SLFN12L: variants seen among roughly 807,000 people sequenced by gnomAD.
SLFN12L encodes the protein schlafen family member 12 like.
Under a neutral mutation model 34.8 loss-of-function variants are expected in SLFN12L, and 34 were observed. The observed-to-expected ratio is 0.98, with a 90% CI of 0.74 to 1.30. The LOEUF is 1.30. Ranked by LOEUF, SLFN12L falls within the 50% of genes most tolerant of loss-of-function variation. The pLI is 0.00. For missense variants in SLFN12L, 703 were observed against 696.2 expected (o/e 1.01, Z -0.11); for synonymous variants, 259 against 247.5 (o/e 1.05, Z -0.44).
At chr17:35,478,327 C>T (rs1914130796) in intron 3 of SLFN12L, 142 bp from the exon 4 acceptor site, 8 of 549,298 alleles carry the variant, frequency 1.5e-5, no homozygotes, top group Non-Finnish European at 2.5e-5. Context: ...ATTGTGGTTA[C>T]ATATTGTGGT....
At chr17:35,493,805 G>T (rs1272320383) in intron 2 of SLFN12L, among the ~76,000 whole-genome samples, 1 of 152,080 alleles carries the variant, frequency 6.6e-6, no homozygotes, top group Non-Finnish European at 1.5e-5. Flanking sequence ...TAGCAGTTTT[G>T]TACAAAAATA....
In SLFN12L at chr17:35,472,923, T is replaced by C. The variant is rs1597823731; in HGVS notation, c.*2000A>G. Among the ~76,000 whole-genome samples, 1 of 152,154 alleles carries C rather than the reference T, an allele frequency of 6.6e-6. No homozygotes were observed. The highest frequency in any genetic ancestry group is 2.4e-5 in the African/African-American group (1 of 41,442). On this transcript the variant is annotated 3_prime_UTR_variant, in exon 5 of 5. Coordinates refer to ENST00000628453, the MANE Select transcript of SLFN12L (RefSeq NM_001363830.2). ...ATTCTCTTTTTAGCGATTGTGAATG[T>C]GAGTTCACTCATGATTTGGCTCTCT...
intron 2 of SLFN12L, among the ~76,000 whole-genome samples, chr17:35,506,433 T>G (rs558887008): frequency 3.3e-4 from 50 of 152,342 alleles, no homozygotes; most frequent in African/African-American, 1.1e-3. Flanking sequence ...GCCCTTCCTG[T>G]ACCAGTGGTC....
intron 1 of SLFN12L, among the ~76,000 whole-genome samples, chr17:35,524,789 A>G (rs1045221258): frequency 6.6e-6 from 1 of 152,152 alleles, no homozygotes; most frequent in Admixed American, 6.6e-5. Flanking sequence ...AAAAACCAGA[A>G]TACCTCTTCT....
At chr17:35,502,948 G>T (rs1371554320) in intron 2 of SLFN12L, among the ~76,000 whole-genome samples, 1 of 151,968 alleles carries the variant, frequency 6.6e-6, no homozygotes, top group Non-Finnish European at 1.5e-5. Context: ...GACAGCTGAG[G>T]CATGTTGAAG....
At position 35,480,085 on chromosome 17, in the gene SLFN12L, C is replaced by G. The variant is rs1400059281; in HGVS notation, c.197G>C (p.Gly66Ala). ...CTTCATTTTTTTTCTATTGTTCTCT[C>G]CAAGAGTGACTCTTCCCACATTTAG... ...LVLNVGRVTL[G>A]ENNRKKMKDC... The change falls in exon 3 of 5, where the codon GGA becomes GCA. Residue 66 changes from glycine to alanine, a missense_variant. By Grantham distance (60) the Gly-to-Ala change is moderately conservative. Transcript: ENST00000628453. The G allele has an allele frequency of 1.2e-6, 2 of 1,614,096 alleles. No individual in the cohort carries two copies. Among genetic ancestry groups the G allele is most frequent in the Admixed American group, 3.3e-5 (2 of 60,014 alleles).
intron 2 of SLFN12L, among the ~76,000 whole-genome samples, chr17:35,513,574 G>T (rs1449768573): frequency 2.0e-5 from 3 of 152,184 alleles, no homozygotes; most frequent in Non-Finnish European, 2.9e-5. Flanking sequence ...ATGCCACCAA[G>T]TATCCTTACT....
At chr17:35,488,080 G>A (rs1051913971) in intron 2 of SLFN12L, among the ~76,000 whole-genome samples, 1 of 152,200 alleles carries the variant, frequency 6.6e-6, no homozygotes, top group Non-Finnish European at 1.5e-5. Context: ...ATGGTAGCGG[G>A]CGCCTGTAGT....
chr17:35,518,992 T>A (rs902369227), intron 2 of SLFN12L, among the ~76,000 whole-genome samples: 5 of 152,116 alleles, frequency 3.3e-5, no homozygotes, highest in Non-Finnish European at 7.4e-5. Flanking sequence ...ATGTGGCACG[T>A]ACACACTATG....
intron 1 of SLFN12L, among the ~76,000 whole-genome samples, chr17:35,526,142 C>A (rs2072332719): frequency 6.6e-6 from 1 of 152,022 alleles, no homozygotes; most frequent in Non-Finnish European, 1.5e-5. Flanking sequence ...GGGATCAATG[C>A]AACAAAAAGA....
rs747543549 is a variant in SLFN12L, at chr17:35,466,215, G to A, written c.*8708C>T. ...GTTCATTCTTCTTGTACATTTTATG[G>A]GTTCAGACAAATGTATAATGACATA... On this transcript the variant is annotated 3_prime_UTR_variant, in exon 5 of 5. Coordinates refer to ENST00000628453, the MANE Select transcript of SLFN12L (RefSeq NM_001363830.2). Among the ~76,000 whole-genome samples the A allele has an allele frequency of 6.6e-6, 1 of 151,932 alleles. No homozygotes were observed. The highest frequency in any genetic ancestry group is 2.4e-5 in the African/African-American group (1 of 41,328).
At position 35,470,506 on chromosome 17, in the gene SLFN12L, G is replaced by C. The variant is rs949637074; in HGVS notation, c.*4417C>G. ...CCTTGAATGCACAGTTCACACAGTG[G>C]TGGCTTCAGGGTGCCAGCCAGGAGG... On this transcript the variant is annotated 3_prime_UTR_variant, in exon 5 of 5. Coordinates refer to ENST00000628453, the MANE Select transcript of SLFN12L (RefSeq NM_001363830.2). The C allele has an allele frequency of 6.6e-6, 1 of 152,270 alleles. No individual in the cohort carries two copies. Among genetic ancestry groups the C allele is most frequent in the South Asian group, 2.1e-4 (1 of 4,836 alleles). The allele number at this position is 152,270 out of a possible 1,614,324, so 9.4% of individuals were successfully genotyped here. A position where few individuals can be genotyped will look rare whatever the true frequency, so the allele number is the denominator to read the frequency against.
intron 1 of SLFN12L, among the ~76,000 whole-genome samples, chr17:35,535,031 T>C (rs1446530711): frequency 6.6e-6 from 1 of 152,180 alleles, no homozygotes; most frequent in African/African-American, 2.4e-5. Flanking sequence ...ATACATTATC[T>C]CATTGCTTTC....
chr17:35,493,648 A>G (rs1597850382), intron 2 of SLFN12L, among the ~76,000 whole-genome samples: 1 of 152,168 alleles, frequency 6.6e-6, no homozygotes, highest in Non-Finnish European at 1.5e-5. Flanking sequence ...TTTCTTTTTG[A>G]CTTAGTATCT....
intron 1 of SLFN12L, among the ~76,000 whole-genome samples, chr17:35,533,183 A>C (rs995664042): frequency 6.6e-6 from 1 of 152,240 alleles, no homozygotes; most frequent in Admixed American, 6.5e-5. Context: ...GTTATATGTT[A>C]CATTTCATCA....
At position 35,502,437 on chromosome 17, in the gene SLFN12L, A is replaced by AC. The variant is rs1555543241; in HGVS notation, c.86+19841_86+19842insG. 1.4e-3 allele frequency among the ~76,000 whole-genome samples: 207 copies of AC among 148,980 alleles called. 2 individuals are homozygous for AC. The highest frequency in any genetic ancestry group is 4.8e-3 in the African/African-American group (196 of 40,632). On this transcript the variant is annotated intron_variant, in intron 2 of 4. Coordinates refer to ENST00000628453, the MANE Select transcript of SLFN12L (RefSeq NM_001363830.2). ...TAAGGAAAAAAAAAAAAAAAAAAAA[A>AC]AAAAAACGATGATTTAACATTAACC...
At position 35,490,111 on chromosome 17, in the gene SLFN12L, G is replaced by GC. The variant is rs1338777296; in HGVS notation, c.87-9917dup. The stretch of plus-strand genomic sequence containing the variant: ...TCCTCCCCAGTGCCCCAGGCGCGGA[G>GC]CAGACCGCCGGCAACCTCCTCTACA... On this transcript the variant is annotated intron_variant, in intron 2 of 4. Transcript: ENST00000628453. 11 of 1,606,118 alleles carry GC rather than the reference G, an allele frequency of 6.8e-6. No homozygotes were observed. The African/African-American group carries it at 1.5e-4, about 21-fold the overall frequency.
In SLFN12L at chr17:35,474,923, T is replaced by C; in HGVS notation, c.1839A>G (p.Ter613TrpextTer73). The C allele has an allele frequency of 1.9e-6, 3 of 1,540,460 alleles. No homozygotes were observed. The highest frequency in any genetic ancestry group is 2.6e-6 in the Non-Finnish European group (3 of 1,143,234). ...VCWFVCFFLR* is the reference protein window; with the variant it reads ...VCWFVCFFLRW ...TCCAGTCTGGGTGACAGAGTGAGACTCATCTCAAGAAAAAACAAACAAACC... is the reference window on the plus strand; with the variant it reads ...TCCAGTCTGGGTGACAGAGTGAGACCCATCTCAAGAAAAAACAAACAAACC... The change falls in exon 5 of 5, where the codon TGA (stop) becomes TGG (tryptophan). Residue 613 changes from the stop codon to tryptophan, a stop_lost. Transcript: ENST00000628453.
chr17:35,515,760 C>T (rs1489526355), intron 2 of SLFN12L, among the ~76,000 whole-genome samples: 33 of 151,046 alleles, frequency 2.2e-4, no homozygotes, highest in Admixed American at 2.2e-3. Context: ...TCTCCTGACC[C>T]AGCCGCATGA....
Sources: gnomAD v4.1 joint callset for allele counts (sites outside exome capture counted in the v4.1 genomes callset) on GRCh38, gnomAD v4.1.1 for gene constraint, MANE v1.5 for transcripts, NCBI Gene and HGNC (gene_info 2026-07-23, HGNC 2026-07-21) for gene names.